The following GPCPD1 variants were observed in gnomAD, a reference collection of about 807,000 sequenced individuals.
GPCPD1 encodes glycerophosphocholine phosphodiesterase 1, also known as glycerophosphocholine phosphodiesterase GPCPD1.
A neutral mutation model predicts 89.2 loss-of-function variants in GPCPD1; 29 were observed. The observed-to-expected ratio is 0.33, with a 90% confidence interval of 0.24 to 0.44. The LOEUF is 0.44. Among genes scored for constraint, GPCPD1 ranks in the 20% least tolerant of loss-of-function variants. The probability of loss-of-function intolerance (pLI) is 1.00; values close to 1 mark genes in which losing one functional copy is unlikely to be tolerated. For synonymous variants in GPCPD1, 258 were observed against 266.3 expected (o/e 0.97, Z 0.30); for missense variants, 594 against 808.9 (o/e 0.73, Z 3.22).
chr20:5,568,586 T>C (rs528665752), intron 12 of GPCPD1, among the ~76,000 whole-genome samples: 54 of 152,264 alleles, frequency 3.5e-4, no homozygotes, highest in African/African-American at 1.2e-3. Context: ...TAGTAATATT[T>C]GAACTCTCAT....
At chr20:5,593,946 C>T (rs191609328) in intron 3 of GPCPD1, among the ~76,000 whole-genome samples, 1 of 152,312 alleles carries the variant, frequency 6.6e-6, no homozygotes, top group East Asian at 1.9e-4. Flanking sequence ...CTTGACTATC[C>T]GTTATTCTAA....
Position 5,578,367 on chromosome 20 carries a change from A to G in GPCPD1, c.705+13T>C, listed in dbSNP as rs777831052. The G allele has an allele frequency of 1.4e-6, 2 of 1,415,572 alleles. No individual in the cohort carries two copies. The allele number at this position is 1,415,572 out of a possible 1,614,324, so 87.7% of individuals were successfully genotyped here. On this transcript the variant is annotated intron_variant, in intron 8 of 19. Coordinates refer to ENST00000379019, the MANE Select transcript of GPCPD1 (RefSeq NM_019593.5). ...CATTCTTTCTCAATCCCCTCACTGC[A>G]GTAACTACTCACTTCGAAAAAATCA...
chr20:5,558,807 C>A lies in GPCPD1; in HGVS notation c.1545G>T (p.Lys515Asn). The A allele has an allele frequency of 6.4e-7, 1 of 1,568,302 alleles. No homozygotes were observed. The highest frequency in any genetic ancestry group is 8.6e-7 in the Non-Finnish European group (1 of 1,156,822). The stretch of plus-strand genomic sequence containing the variant: ...AAAATAGTATCGGATATTTGTTCTG[C>A]TTTTGCCGAACCCTGAAAAGAAACA... ...DADICTMVRQ[K>N]QNKYPILFLT... The change falls in exon 18 of 20, where the codon AAG (lysine) becomes AAT (asparagine). Residue 515 changes from lysine (K) to asparagine (N), a missense_variant. Coordinates refer to ENST00000379019, the MANE Select transcript of GPCPD1 (RefSeq NM_019593.5).
At chr20:5,603,799 T>C (rs1600809474) in intron 2 of GPCPD1, among the ~76,000 whole-genome samples, 1 of 148,120 alleles carries the variant, frequency 6.8e-6, no homozygotes, top group African/African-American at 2.5e-5. Flanking sequence ...CAGGGTGGAG[T>C]GCAATGGCAC....
intron 4 of GPCPD1, among the ~76,000 whole-genome samples, chr20:5,589,468 C>T (rs987103510): frequency 2.6e-5 from 4 of 151,986 alleles, no homozygotes; most frequent in Admixed American, 6.6e-5. Context: ...AAAAATTAGC[C>T]GGGCATAGTG....
intron 12 of GPCPD1, among the ~76,000 whole-genome samples, chr20:5,568,361 G>A (rs1219389194): frequency 6.7e-6 from 1 of 150,328 alleles, no homozygotes; most frequent in Non-Finnish European, 1.5e-5. Context: ...TTAAAAGTAA[G>A]ACAGTAAGAA....
At chr20:5,565,592 T>C (rs1410262498) in intron 14 of GPCPD1, among the ~76,000 whole-genome samples, 1 of 152,128 alleles carries the variant, frequency 6.6e-6, no homozygotes, top group East Asian at 1.9e-4. Flanking sequence ...ATTTTCTAAA[T>C]AAGCATCATG....
At chr20:5,567,691 T>G in intron 12 of GPCPD1, 131 bp from the exon 13 acceptor site, 5 of 837,102 alleles carry the variant, frequency 6.0e-6, no homozygotes, top group Non-Finnish European at 8.8e-6. Context: ...ACAATGAGAA[T>G]AACTGTTAGT....
At position 5,545,615 on chromosome 20, in the gene GPCPD1, G is replaced by A. The variant is rs2122498885; in HGVS notation, c.*2046C>T. 1 of 152,448 alleles carries A rather than the reference G, an allele frequency of 6.6e-6. No homozygotes were observed. The highest frequency in any genetic ancestry group is 1.5e-5 in the Non-Finnish European group (1 of 68,138). The allele number at this position is 152,448 out of a possible 1,614,324, so 9.4% of individuals were successfully genotyped here. On this transcript the variant is annotated 3_prime_UTR_variant, in exon 20 of 20. Transcript: ENST00000379019. Reference sequence around the variant, plus strand: ...GACAGGGACAGGGTGGCTGAAGCAGGGTGTAAAAGGCAACAGCTAGTGATA... The same window carrying A: ...GACAGGGACAGGGTGGCTGAAGCAGAGTGTAAAAGGCAACAGCTAGTGATA...
intron 4 of GPCPD1, among the ~76,000 whole-genome samples, chr20:5,592,374 A>G (rs910943726): frequency 3.3e-5 from 5 of 152,234 alleles, no homozygotes; most frequent in Admixed American, 3.3e-4. Context: ...ATCAACCACA[A>G]TGTAATTTAA....
At chr20:5,593,648 C>G (rs1377899716) in intron 3 of GPCPD1, among the ~76,000 whole-genome samples, 1 of 152,076 alleles carries the variant, frequency 6.6e-6, no homozygotes, top group Non-Finnish European at 1.5e-5. Flanking sequence ...GAAAAATAAC[C>G]AAAGAAGATA....
chr20:5,577,451 A>G lies in GPCPD1; in HGVS notation c.705+929T>C, dbSNP rs1440387347. Among the ~76,000 whole-genome samples the G allele has an allele frequency of 1.3e-4, 19 of 150,698 alleles. No homozygotes were observed. In the South Asian group the frequency reaches 4.0e-3, roughly 32 times the overall value. ...TGCAGTGAGCCCTGATCATGTCACT[A>G]TACTCCAGACTGCGCAACAGAGCAA... On this transcript the variant is annotated intron_variant, in intron 8 of 19. Transcript: ENST00000379019.
chr20:5,581,487 T>C (rs1431476058), intron 6 of GPCPD1, among the ~76,000 whole-genome samples: 1 of 152,166 alleles, frequency 6.6e-6, no homozygotes, highest in East Asian at 1.9e-4. Flanking sequence ...ACTTTAGATA[T>C]TCAGCTGCAA....
intron 6 of GPCPD1, among the ~76,000 whole-genome samples, chr20:5,583,897 G>A (rs549861270): frequency 6.1e-4 from 93 of 152,124 alleles, no homozygotes; most frequent in Non-Finnish European, 1.1e-3. Context: ...GAAATTGCTA[G>A]TCAAATAAAA....
At chr20:5,566,675 A>C (rs1986408638) in intron 14 of GPCPD1, 58 bp downstream of exon 14, 25 of 1,021,516 alleles carry the variant, frequency 2.4e-5, no homozygotes, top group Non-Finnish European at 3.7e-5. Flanking sequence ...AATCGATTTT[A>C]AAAATCCTAT....
intron 2 of GPCPD1, among the ~76,000 whole-genome samples, chr20:5,600,281 C>A (rs1039664442): frequency 5.3e-5 from 8 of 152,220 alleles, no homozygotes; most frequent in Admixed American, 3.9e-4. Flanking sequence ...GTGGGCCGGG[C>A]GCAGTGGCCC....
At chr20:5,568,228 T>TAGTATATATATATATATACTA (rs570190930) in intron 12 of GPCPD1, among the ~76,000 whole-genome samples, 1,326 of 131,170 alleles carry the variant, frequency 0.01, 24 homozygotes, top group African/African-American at 0.041. Context: ...CAAATATACT[T>TAGTATATATATATATATACTA]AGTATATATA....
At chr20:5,576,674 T>C (rs566315045) in intron 8 of GPCPD1, among the ~76,000 whole-genome samples, 24 of 152,322 alleles carry the variant, frequency 1.6e-4, no homozygotes, top group Admixed American at 1.0e-3. Flanking sequence ...AAGACTAAGA[T>C]ATATTTGTAG....
At chr20:5,564,808 T>C (rs1043364638) in intron 15 of GPCPD1, among the ~76,000 whole-genome samples, 5 of 152,210 alleles carry the variant, frequency 3.3e-5, no homozygotes, top group South Asian at 2.1e-4. Context: ...GCCACTGCAC[T>C]CAGCCTAGAT....
Sources: allele counts gnomAD v4.1 joint callset (sites outside exome capture counted in the v4.1 genomes callset), GRCh38; gene constraint gnomAD v4.1.1; transcripts MANE v1.5; gene names NCBI Gene and HGNC (gene_info 2026-07-23, HGNC 2026-07-21).